Variants in CATSPERE observed in about 807,000 individuals in gnomAD.
CATSPERE encodes the protein catsper channel auxiliary subunit epsilon.
Under a neutral mutation model 114.1 loss-of-function variants are expected in CATSPERE, and 93 were observed. That is an observed-to-expected ratio of 0.81 (90% CI 0.69 to 0.97). The LOEUF is 0.97. Ranked by LOEUF, CATSPERE falls within the 50% of genes least tolerant of loss-of-function variation. CATSPERE has a pLI of 0.00. For missense variants in CATSPERE, 1,058 were observed against 1,131.6 expected (o/e 0.93, Z 0.93); for synonymous variants, 341 against 384.1 (o/e 0.89, Z 1.31).
chr1:244,576,793 A>C (rs1374561190), intron 11 of CATSPERE, among the ~76,000 whole-genome samples: 1 of 152,272 alleles, frequency 6.6e-6, no homozygotes, highest in East Asian at 1.9e-4. Flanking sequence ...TGAGCCTGCT[A>C]TCTGATACAA....
At position 244,568,513 on chromosome 1, in the gene CATSPERE, G is replaced by A. The variant is rs1053147560; in HGVS notation, c.1508-3817G>A. On this transcript the variant is annotated intron_variant, in intron 10 of 21. Coordinates refer to ENST00000366534, the MANE Select transcript of CATSPERE (RefSeq NM_001130957.2). This position sits in a 1 kb window ranked among gnomAD's most constrained non-coding sequence, Gnocchi z 4.4. ...TATCTATAAGCCCCTGAGTGGGGCT[G>A]CTGCCTTTCTTTCAGAGATGCGCTG... 3.3e-5 allele frequency among the ~76,000 whole-genome samples: 5 copies of A among 152,254 alleles called. No individual in the cohort carries two copies. Among genetic ancestry groups the A allele is most frequent in the Admixed American group, 2.0e-4 (3 of 15,288 alleles).
Position 244,581,822 on chromosome 1 carries a change from T to G in CATSPERE, c.1977T>G (p.Asp659Glu), listed in dbSNP as rs1300448795. 1.5e-6 allele frequency: 2 copies of G among 1,343,334 alleles called. No homozygotes were observed. Among genetic ancestry groups the G allele is most frequent in the Admixed American group, 2.0e-5 (1 of 51,270 alleles). 83.2% of individuals were successfully genotyped at this position (1,343,334 alleles called of 1,614,324 possible). A position where few individuals can be genotyped will look rare whatever the true frequency, so the allele number is the denominator to read the frequency against. The change falls in exon 12 of 22, where the codon GAT becomes GAG. Residue 659 changes from aspartate to glutamate, a missense_variant. By Grantham distance (45) the Asp-to-Glu change is conservative. This residue lies in a region of CATSPERE where 787 missense variants were observed against 905.6 expected (regional missense o/e 0.87). Transcript: ENST00000366534. ...TLTLTFYQNV[D>E]YERISDYFET... ...CACTAACATTTTATCAGAATGTAGA[T>G]TATGAGAGAATATCTGATTACTTTG...
At chr1:244,559,957 A>G (rs1205846092) in intron 9 of CATSPERE, among the ~76,000 whole-genome samples, 1 of 152,136 alleles carries the variant, frequency 6.6e-6, no homozygotes, top group Non-Finnish European at 1.5e-5. Flanking sequence ...ATATATTGAA[A>G]CAAATCAAAC....
At chr1:244,558,071 T>C (rs1016404484) in intron 9 of CATSPERE, among the ~76,000 whole-genome samples, 5 of 151,630 alleles carry the variant, frequency 3.3e-5, no homozygotes, top group South Asian at 2.1e-4. Context: ...GCACCTTGGC[T>C]TCCCAAAGTG....
At chr1:244,534,772 C>G (rs956669123) in intron 8 of CATSPERE, among the ~76,000 whole-genome samples, 2 of 152,138 alleles carry the variant, frequency 1.3e-5, no homozygotes, top group African/African-American at 4.8e-5. Context: ...TCCCTGTTGC[C>G]TTACTTACTT....
chr1:244,515,364 A>G (rs1028517967), intron 7 of CATSPERE: 8 of 964,470 alleles, frequency 8.3e-6, no homozygotes, highest in East Asian at 1.1e-4. Context: ...ACAAATATTT[A>G]TAAATGCAGG....
intron 2 of CATSPERE, among the ~76,000 whole-genome samples, chr1:244,476,444 TTTTGAAA>T (rs1669358324): frequency 1.3e-5 from 2 of 152,220 alleles, no homozygotes; most frequent in African/African-American, 4.8e-5. Context: ...TATTTATGGC[TTTTGAAA>T]TTTCTTGTAG....
At chr1:244,528,218 GT>G (rs1678978438) in intron 8 of CATSPERE, among the ~76,000 whole-genome samples, 1 of 152,196 alleles carries the variant, frequency 6.6e-6, no homozygotes, top group Non-Finnish European at 1.5e-5. Context: ...AACATGCAGT[GT>G]TTGGCTTTCT....
chr1:244,502,969 A>G (rs1674297631), intron 7 of CATSPERE, among the ~76,000 whole-genome samples: 1 of 152,114 alleles, frequency 6.6e-6, no homozygotes, highest in South Asian at 2.1e-4. Context: ...CTGGTTGTGC[A>G]TATCTAAGTG....
chr1:244,623,043 A>G (rs1672595446), intron 20 of CATSPERE, among the ~76,000 whole-genome samples: 2 of 124,860 alleles, frequency 1.6e-5, no homozygotes. Flanking sequence ...CATGTATATC[A>G]GCCATTTGTC....
Position 244,635,562 on chromosome 1 carries a change from T to C in CATSPERE, c.2702+20T>C, listed in dbSNP as rs767164171. ...TCCCAGGTAAGGAGCAGGGCCTAAC[T>C]GGACTTTAATTAGGGAATTTCTAAG... On this transcript the variant is annotated intron_variant, in intron 21 of 21. Transcript: ENST00000366534. 4.8e-5 allele frequency: 77 copies of C among 1,588,464 alleles called. 2 individuals are homozygous for C. The South Asian group carries it at 7.2e-4, about 15-fold the overall frequency.
chr1:244,625,401 ATTATTTAT>A (rs1672991293), intron 20 of CATSPERE, among the ~76,000 whole-genome samples: 1 of 46,372 alleles, frequency 2.2e-5, no homozygotes, highest in Non-Finnish European at 3.9e-5. Flanking sequence ...TATTATTATT[ATTATTTAT>A]ATATATATAT....
chr1:244,490,863 A>C (rs1325955115), intron 6 of CATSPERE, among the ~76,000 whole-genome samples: 1 of 152,140 alleles, frequency 6.6e-6, no homozygotes, highest in Non-Finnish European at 1.5e-5. Context: ...TAATTAACAT[A>C]TAATAAATTT....
chr1:244,507,821 A>G (rs996194740), intron 7 of CATSPERE, among the ~76,000 whole-genome samples: 7 of 152,170 alleles, frequency 4.6e-5, no homozygotes, highest in East Asian at 1.9e-4. Flanking sequence ...TGGATTCTCT[A>G]TTCTATCAGT....
intron 20 of CATSPERE, among the ~76,000 whole-genome samples, chr1:244,631,917 C>T (rs1466595937): frequency 6.6e-6 from 1 of 152,102 alleles, no homozygotes. Flanking sequence ...TAAACATACT[C>T]TTACTGTATG....
chr1:244,609,041 T>C (rs1165127172), intron 18 of CATSPERE, among the ~76,000 whole-genome samples: 2 of 151,462 alleles, frequency 1.3e-5, no homozygotes, highest in African/African-American at 4.9e-5. Flanking sequence ...CAAAAATTAG[T>C]TGGGTGTGGT....
intron 2 of CATSPERE, among the ~76,000 whole-genome samples, chr1:244,465,226 G>A (rs1667431515): frequency 6.6e-6 from 1 of 151,950 alleles, no homozygotes; most frequent in Non-Finnish European, 1.5e-5. Flanking sequence ...AGTAGAGATG[G>A]GATTTCACCA....
intron 7 of CATSPERE, chr1:244,515,344 TA>T: frequency 1.0e-6 from 1 of 977,242 alleles, no homozygotes; most frequent in African/African-American, 1.8e-5. Flanking sequence ...TTTTTTTCAT[TA>T]TTTGTTCAAC....
intron 19 of CATSPERE, among the ~76,000 whole-genome samples, chr1:244,613,788 A>T (rs1671026742): frequency 6.6e-6 from 1 of 152,208 alleles, no homozygotes; most frequent in African/African-American, 2.4e-5. Context: ...TGTCCCTTCC[A>T]AAACTCATGT....
Sources: gnomAD v4.1 joint callset for allele counts (sites outside exome capture counted in the v4.1 genomes callset) on GRCh38, gnomAD v4.1.1 for gene constraint, gnomAD v4.1.1 regional missense constraint, Gnocchi (gnomAD v3.1) non-coding constraint, MANE v1.5 for transcripts, NCBI Gene and HGNC (gene_info 2026-07-23, HGNC 2026-07-21) for gene names.